Variants in DLG5 observed in about 807,000 individuals in gnomAD.
DLG5 encodes the protein discs large MAGUK scaffold protein 5.
A neutral mutation model predicts 189.8 loss-of-function variants in DLG5; 48 were observed. That is an observed-to-expected ratio of 0.25 (90% CI 0.20 to 0.32). The LOEUF (loss-of-function observed/expected upper bound fraction) is 0.32. Ranked by LOEUF, DLG5 falls within the 10% of genes least tolerant of loss-of-function variation. DLG5 has a pLI of 1.00. For missense variants in DLG5, 2,160 were observed against 2,544.7 expected (o/e 0.85, Z 3.25); for synonymous variants, 1,016 against 1,054.1 (o/e 0.96, Z 0.70).
At chr10:77,879,214 C>G (rs1354840316) in intron 1 of DLG5, among the ~76,000 whole-genome samples, 1 of 151,994 alleles carries the variant, frequency 6.6e-6, no homozygotes, top group African/African-American at 2.4e-5. Flanking sequence ...TCCCCAGAGA[C>G]CTAGAGGAAG....
intron 1 of DLG5, among the ~76,000 whole-genome samples, chr10:77,891,713 C>T (rs192088325): frequency 2.6e-5 from 4 of 152,192 alleles, no homozygotes; most frequent in African/African-American, 9.7e-5. Flanking sequence ...AAAAAAAGGT[C>T]GCTGGATCCT....
At chr10:77,860,520 CTCCTGACTTCAGGTGA>C (rs1290074973) in intron 2 of DLG5, among the ~76,000 whole-genome samples, 2 of 152,212 alleles carry the variant, frequency 1.3e-5, no homozygotes, top group Admixed American at 1.3e-4. Context: ...TGGTCTCAAA[CTCCTGACTTCAGGTGA>C]TCCACCCACT....
rs539082180 is a variant in DLG5, at chr10:77,824,428, G to A, written c.2338C>T (p.Leu780=). Residue 780 remains leucine (L), a synonymous_variant, in exon 14 of 32, where the codon CTG becomes TTG. Coordinates refer to ENST00000372391, the MANE Select transcript of DLG5 (RefSeq NM_004747.4). ...DNKSLNECES[L]LRSCQDSLTL... The stretch of plus-strand genomic sequence containing the variant: ...AGGGAGTCCTGGCAGCTGCGCAGCA[G>A]AGATTCACATTCATTCAGAGACTTG... 7.4e-6 allele frequency: 12 copies of A among 1,614,108 alleles called. No homozygotes were observed. The highest frequency in any genetic ancestry group is 6.6e-5 in the South Asian group (6 of 91,078).
Position 77,926,211 on chromosome 10 carries a change from A to G in DLG5, c.304+6T>C, listed in dbSNP as rs1242632115. On this transcript the variant is annotated splice_donor_region_variant and intron_variant, in intron 1 of 31. Coordinates refer to ENST00000372391, the MANE Select transcript of DLG5 (RefSeq NM_004747.4). The surrounding 1 kb of genome is among the most constrained non-coding windows in gnomAD (Gnocchi z 5.2). ...CAGAGGCGGGGGCCAAGGGTCTGCC[A>G]CTCACCCGCGCCTTCGGCGGGCTGC... The G allele has an allele frequency of 2.0e-6, 3 of 1,485,940 alleles. No homozygotes were observed. In the South Asian group the frequency reaches 4.1e-5, roughly 20 times the overall value. The allele number at this position is 1,485,940 out of a possible 1,614,324, so 92.0% of individuals were successfully genotyped here.
At chr10:77,906,638 T>TC (rs1846077862) in intron 1 of DLG5, among the ~76,000 whole-genome samples, 1 of 149,360 alleles carries the variant, frequency 6.7e-6, no homozygotes, top group Non-Finnish European at 1.5e-5. Flanking sequence ...TTTTTTTTTT[T>TC]TCCTGAGATG....
At position 77,791,312 on chromosome 10, in the gene DLG5, C is replaced by T. The variant is rs1230429184; in HGVS notation, c.*1128G>A. 1 of 151,718 alleles carries T rather than the reference C, an allele frequency of 6.6e-6. No homozygotes were observed. Among genetic ancestry groups the T allele is most frequent in the Non-Finnish European group, 1.5e-5 (1 of 67,960 alleles). The allele number at this position is 151,718 out of a possible 1,614,324, so 9.4% of individuals were successfully genotyped here. On this transcript the variant is annotated 3_prime_UTR_variant, in exon 32 of 32. Coordinates refer to ENST00000372391, the MANE Select transcript of DLG5 (RefSeq NM_004747.4). The stretch of plus-strand genomic sequence containing the variant: ...AGCTTAAGGAGGAACCACATCAAAT[C>T]TTCAGCCAGACATATCTAGCCTCAG...
At chr10:77,844,288 GCCT>G in intron 5 of DLG5, among the ~76,000 whole-genome samples, 1 of 152,180 alleles carries the variant, frequency 6.6e-6, no homozygotes. Flanking sequence ...GGAATTAAGT[GCCT>G]CCGGTGAAAC....
At chr10:77,825,681 G>A (rs1842599772) in intron 13 of DLG5, among the ~76,000 whole-genome samples, 1 of 151,558 alleles carries the variant, frequency 6.6e-6, no homozygotes, top group Non-Finnish European at 1.5e-5. Flanking sequence ...TCAGTCTCCC[G>A]AGTAGCTGGG....
rs1415809885 is a variant in DLG5, at chr10:77,887,174, T to C, written c.305-17977A>G. Among the ~76,000 whole-genome samples, 4 of 152,136 alleles carry C rather than the reference T, an allele frequency of 2.6e-5. No individual in the cohort carries two copies. The East Asian group carries it at 7.7e-4, about 29-fold the overall frequency. On this transcript the variant is annotated intron_variant, in intron 1 of 31. Transcript: ENST00000372391. ...ACAAACGTATTGCTGTTAGCCCCATTTTACAGACAAGAACCCCAAGGCTCT... is the reference window on the plus strand; with the variant it reads ...ACAAACGTATTGCTGTTAGCCCCATCTTACAGACAAGAACCCCAAGGCTCT...
rs191398063 is a variant in DLG5, at chr10:77,804,279, G to A, written c.5164+1386C>T. 2.3e-3 allele frequency among the ~76,000 whole-genome samples: 348 copies of A among 152,310 alleles called. No individual in the cohort carries two copies. In the Middle Eastern group the frequency reaches 0.027, roughly 12 times the overall value. ...ATTAAGCAATTGTTATCAGCAAAGG[G>A]CTAATAGACTTTTTTACATCTTACA... On this transcript the variant is annotated intron_variant, in intron 27 of 31. Coordinates refer to ENST00000372391, the MANE Select transcript of DLG5 (RefSeq NM_004747.4).
intron 1 of DLG5, among the ~76,000 whole-genome samples, chr10:77,921,097 G>C (rs1846521474): frequency 6.6e-6 from 1 of 152,194 alleles, no homozygotes; most frequent in South Asian, 2.1e-4. Flanking sequence ...TGTAATCTTA[G>C]CTACTAAGGA....
At chr10:77,817,145 A>C in intron 18 of DLG5, 49 bp from the exon 19 acceptor site, 1 of 1,517,026 alleles carries the variant, frequency 6.6e-7, no homozygotes, top group Admixed American at 1.7e-5. Flanking sequence ...GTTAAACACC[A>C]CCCTGTCCTT....
intron 2 of DLG5, chr10:77,867,962 ATGTGAACACAAAGGCAGAGATCAG>A (rs1173199997): frequency 2.4e-5 from 11 of 456,638 alleles, no homozygotes; most frequent in Non-Finnish European, 4.0e-5. Context: ...GGAGAACATC[ATGTGAACACAAAGGCAGAGATCAG>A]TGTGATGTCG....
intron 5 of DLG5, chr10:77,845,482 TAAAA>T (rs1204107327): frequency 6.6e-6 from 1 of 152,186 alleles, no homozygotes; most frequent in Non-Finnish European, 1.5e-5. Flanking sequence ...GGGCTTAATT[TAAAA>T]GTCAGAATCA....
At chr10:77,907,967 C>T (rs1307557355) in intron 1 of DLG5, among the ~76,000 whole-genome samples, 1 of 152,044 alleles carries the variant, frequency 6.6e-6, no homozygotes, top group Non-Finnish European at 1.5e-5. Flanking sequence ...CAACACCTAC[C>T]ACCTACACAG....
At chr10:77,824,576 CAAA>C in intron 13 of DLG5, 100 bp from the exon 14 acceptor site, 4 of 927,604 alleles carry the variant, frequency 4.3e-6, no homozygotes, top group Non-Finnish European at 6.6e-6. Context: ...AGACAGTCAC[CAAA>C]TGCAAGGTGC....
intron 15 of DLG5, 46 bp from the exon 16 acceptor site, chr10:77,820,064 G>A (rs1473274747): frequency 1.2e-6 from 2 of 1,607,322 alleles, no homozygotes. Flanking sequence ...AGTGGAGTGT[G>A]GCCAGGCGCA....
Position 77,796,383 on chromosome 10 carries a change from C to A in DLG5, c.5308+68G>T. On this transcript the variant is annotated intron_variant, in intron 28 of 31. Coordinates refer to ENST00000372391, the MANE Select transcript of DLG5 (RefSeq NM_004747.4). This position sits in a 1 kb window ranked among gnomAD's most constrained non-coding sequence, Gnocchi z 5.2. The stretch of plus-strand genomic sequence containing the variant: ...CTGCCACCCACTGTGCACAGCTGGG[C>A]AGGCAGGTGGACAGGGACATAGAGA... 1 of 1,610,794 alleles carries A rather than the reference C, an allele frequency of 6.2e-7. No individual in the cohort carries two copies. The highest frequency in any genetic ancestry group is 8.5e-7 in the Non-Finnish European group (1 of 1,177,756).
At chr10:77,818,822 C>A (rs1248636) in intron 17 of DLG5, among the ~76,000 whole-genome samples, 37,601 of 151,726 alleles carry the variant, frequency 0.25, 5,324 homozygotes, top group Admixed American at 0.38. Flanking sequence ...TGAAAAACCA[C>A]ACGACATGAG....
Sources: gnomAD v4.1 joint callset for allele counts (sites outside exome capture counted in the v4.1 genomes callset) on GRCh38, gnomAD v4.1.1 for gene constraint, Gnocchi (gnomAD v3.1) non-coding constraint, MANE v1.5 for transcripts, NCBI Gene and HGNC (gene_info 2026-07-23, HGNC 2026-07-21) for gene names.